The following SLC30A8 variants were observed in gnomAD, a reference collection of about 807,000 sequenced individuals.
The protein encoded by SLC30A8 is proton-coupled zinc antiporter SLC30A8.
A neutral mutation model predicts 36.9 loss-of-function variants in SLC30A8; 27 were observed. The ratio of observed to expected loss-of-function variants is 0.73; its 90% CI spans 0.54 to 1.01. The LOEUF is 1.01. SLC30A8 is among the 50% of genes least tolerant of loss of function. SLC30A8 has a pLI of 0.00. For synonymous variants in SLC30A8, 164 were observed against 172.4 expected, an observed-to-expected ratio of 0.95 and a Z score of 0.38; for missense variants, 439 against 452.0, an observed-to-expected ratio of 0.97 and a Z score of 0.26.
At chr8:117,036,114 C>T (rs76047539) in intron 1 of SLC30A8, among the ~76,000 whole-genome samples, 1 of 152,160 alleles carries the variant, frequency 6.6e-6, no homozygotes, top group Non-Finnish European at 1.5e-5. Flanking sequence ...TGAATTCCCC[C>T]CCCCAGAAAA....
At chr8:117,056,993 A>G (rs1277315320) in intron 2 of SLC30A8, among the ~76,000 whole-genome samples, 1 of 152,192 alleles carries the variant, frequency 6.6e-6, no homozygotes, top group Non-Finnish European at 1.5e-5. Context: ...TCACTTGTAT[A>G]ATGAGGATAG....
At position 117,152,948 on chromosome 8, in the gene SLC30A8, G is replaced by A; in HGVS notation, c.276G>A (p.Gly92=). Residue 92 remains glycine (G), a synonymous_variant, in exon 3 of 8, where the codon GGG becomes GGA. Coordinates refer to ENST00000456015, the MANE Select transcript of SLC30A8 (RefSeq NM_173851.3). ...FIFMIAEVVG[G]HIAGSLAVVT... ...GTACTATTTTGCATTCTCTAGGTGG[G>A]CACATTGCTGGGAGTCTTGCTGTTG... 6.3e-7 allele frequency: 1 copy of A among 1,599,940 alleles called. No individual in the cohort carries two copies. The highest frequency in any genetic ancestry group is 8.5e-7 in the Non-Finnish European group (1 of 1,170,618).
intron 2 of SLC30A8, among the ~76,000 whole-genome samples, chr8:117,073,971 A>G (rs1457384322): frequency 8.3e-6 from 1 of 120,248 alleles, no homozygotes; most frequent in Middle Eastern, 0.01. Flanking sequence ...GGGAAAGTTA[A>G]TCTTTCTTGC....
chr8:117,021,067 T>C (rs574358902), intron 1 of SLC30A8, among the ~76,000 whole-genome samples: 39 of 152,296 alleles, frequency 2.6e-4, no homozygotes, highest in African/African-American at 9.4e-4. Context: ...TAGTTGCCTG[T>C]TTTTTATGGT....
intron 1 of SLC30A8, among the ~76,000 whole-genome samples, chr8:117,016,254 C>T (rs1198931409): frequency 1.3e-5 from 2 of 152,180 alleles, no homozygotes; most frequent in African/African-American, 2.4e-5. Context: ...ACAGAAAATG[C>T]TCAGTAAATA....
chr8:116,968,080 C>T (rs913735899), intron 1 of SLC30A8, among the ~76,000 whole-genome samples: 10 of 152,020 alleles, frequency 6.6e-5, no homozygotes, highest in African/African-American at 1.9e-4. Context: ...AGATTCTTGA[C>T]GTACTCAGAT....
chr8:117,132,882 CTT>C (rs1586565538), upstream of SLC30A8, among the ~76,000 whole-genome samples: 1 of 151,952 alleles, frequency 6.6e-6, no homozygotes, highest in Non-Finnish European at 1.5e-5. Context: ...GGCAGCAAAA[CTT>C]TTTAAGCATA....
chr8:117,065,645 C>T (rs1818146412), intron 2 of SLC30A8, among the ~76,000 whole-genome samples: 1 of 152,100 alleles, frequency 6.6e-6, no homozygotes, highest in Non-Finnish European at 1.5e-5. Flanking sequence ...TCTGTGGGAG[C>T]AGCCATTTTG....
chr8:117,081,833 G>GA (rs1347399395), intron 2 of SLC30A8, among the ~76,000 whole-genome samples: 1 of 152,212 alleles, frequency 6.6e-6, no homozygotes, highest in Non-Finnish European at 1.5e-5. Flanking sequence ...ATCTGTTTGT[G>GA]AAGTCTGGAT....
intron 2 of SLC30A8, among the ~76,000 whole-genome samples, chr8:117,062,191 A>G (rs147191523): frequency 6.6e-5 from 10 of 152,334 alleles, no homozygotes; most frequent in Admixed American, 3.9e-4. Flanking sequence ...TCTTAGTCCA[A>G]TGCAGAGTGT....
chr8:117,169,892 G>T (rs1278193740), intron 6 of SLC30A8, among the ~76,000 whole-genome samples: 1 of 152,076 alleles, frequency 6.6e-6, no homozygotes, highest in East Asian at 1.9e-4. Flanking sequence ...CAGCATTAGG[G>T]ATTACAATTC....
intron 1 of SLC30A8, among the ~76,000 whole-genome samples, chr8:116,952,102 C>T (rs371716840): frequency 6.6e-6 from 1 of 152,002 alleles, no homozygotes; most frequent in Non-Finnish European, 1.5e-5. Flanking sequence ...GAAACAACAG[C>T]TCATAGAAGG....
intron 1 of SLC30A8, among the ~76,000 whole-genome samples, chr8:117,007,364 C>T (rs1418689722): frequency 1.3e-5 from 2 of 152,102 alleles, no homozygotes; most frequent in Non-Finnish European, 2.9e-5. Context: ...AAATTAAAAT[C>T]TCTTTTCCTC....
chr8:117,118,936 G>A (rs758673560), intron 2 of SLC30A8, among the ~76,000 whole-genome samples: 8 of 151,852 alleles, frequency 5.3e-5, no homozygotes, highest in East Asian at 1.9e-4. Context: ...TCAAAGATGC[G>A]GTGTTGGAAA....
At chr8:117,040,503 G>A (rs1817351968) in intron 2 of SLC30A8, among the ~76,000 whole-genome samples, 1 of 152,134 alleles carries the variant, frequency 6.6e-6, no homozygotes, top group Non-Finnish European at 1.5e-5. Context: ...ACTTTAACAA[G>A]GAAGCAAAAT....
intron 1 of SLC30A8, among the ~76,000 whole-genome samples, chr8:116,977,300 C>T (rs1424316843): frequency 6.8e-6 from 1 of 146,438 alleles, no homozygotes; most frequent in African/African-American, 2.5e-5. Flanking sequence ...AGGCGCCCGC[C>T]ACCACACCTG....
intron 2 of SLC30A8, among the ~76,000 whole-genome samples, chr8:117,063,059 A>G (rs1818069001): frequency 1.3e-5 from 2 of 152,186 alleles, no homozygotes; most frequent in South Asian, 4.1e-4. Flanking sequence ...ATGCGAGTTC[A>G]TGGGAAGTAT....
chr8:117,146,717 T>C, intron 1 of SLC30A8: 1 of 774,856 alleles, frequency 1.3e-6, no homozygotes, highest in Non-Finnish European at 1.8e-6. Flanking sequence ...ATTGGTGGCA[T>C]TGACTGAATA....
chr8:117,019,216 C>A (rs1816625446), intron 1 of SLC30A8, among the ~76,000 whole-genome samples: 1 of 152,176 alleles, frequency 6.6e-6, no homozygotes, highest in Admixed American at 6.5e-5. Flanking sequence ...GTATTCAGCA[C>A]AAGGCCTGGC....
Sources: allele counts gnomAD v4.1 joint callset (sites outside exome capture counted in the v4.1 genomes callset), GRCh38; gene constraint gnomAD v4.1.1; transcripts MANE v1.5; gene names NCBI Gene and HGNC (gene_info 2026-07-23, HGNC 2026-07-21).